Variants in LMNTD1 observed in about 807,000 individuals in gnomAD.
The protein encoded by LMNTD1 is lamin tail domain-containing protein 1.
Under a neutral mutation model 50.9 loss-of-function variants are expected in LMNTD1, and 35 were observed. The ratio of observed to expected loss-of-function variants is 0.69; its 90% confidence interval spans 0.53 to 0.91. The LOEUF is 0.91. Ranked by LOEUF, LMNTD1 falls within the 40% of genes least tolerant of loss-of-function variation. The pLI, the probability that LMNTD1 is intolerant of heterozygous loss-of-function variation, is 0.00. For synonymous variants in LMNTD1, 153 were observed against 161.9 expected, an observed-to-expected ratio of 0.94 and a Z score of 0.42; for missense variants, 470 against 475.5, an observed-to-expected ratio of 0.99 and a Z score of 0.11.
At chr12:25,587,468 G>A (rs556638618) in intron 1 of LMNTD1, among the ~76,000 whole-genome samples, 263 of 152,298 alleles carry the variant, frequency 1.7e-3, no homozygotes, top group Admixed American at 5.2e-3. Context: ...GAGAGAGGTG[G>A]GAGGGTGCTA....
At chr12:25,570,423 A>G (rs987257440) in intron 1 of LMNTD1, among the ~76,000 whole-genome samples, 2 of 152,226 alleles carry the variant, frequency 1.3e-5, no homozygotes, top group Non-Finnish European at 2.9e-5. Context: ...AACAGGAAGG[A>G]AAGCATTTGT....
upstream of LMNTD1, among the ~76,000 whole-genome samples, chr12:25,556,419 TC>T (rs557581763): frequency 6.6e-5 from 10 of 152,318 alleles, no homozygotes; most frequent in South Asian, 2.1e-3. Context: ...TTTAGTCTCA[TC>T]CATCTATTAG....
chr12:25,538,265 T>C (rs957892246), intron 4 of LMNTD1, among the ~76,000 whole-genome samples: 37 of 130,362 alleles, frequency 2.8e-4, no homozygotes, highest in Non-Finnish European at 1.0e-4. Flanking sequence ...CCAAGACACA[T>C]AATCGTCAGA....
chr12:25,594,651 C>CAAAAAAAAAAAAAAAAAAAAA (rs61299586), intron 1 of LMNTD1, among the ~76,000 whole-genome samples: 3 of 69,904 alleles, frequency 4.3e-5, no homozygotes, highest in African/African-American at 1.1e-4. Flanking sequence ...AACAGAAATA[C>CAAAAAAAAAAAAAAAAAAAAA]AAAAAAAAAA....
At chr12:25,618,840 G>C (rs892775927) in intron 1 of LMNTD1, among the ~76,000 whole-genome samples, 1 of 152,132 alleles carries the variant, frequency 6.6e-6, no homozygotes, top group Non-Finnish European at 1.5e-5. Context: ...AGATGGCTAA[G>C]CTATGAGCTT....
intron 1 of LMNTD1, among the ~76,000 whole-genome samples, chr12:25,611,978 G>A (rs1352465677): frequency 2.0e-5 from 3 of 152,132 alleles, no homozygotes; most frequent in Non-Finnish European, 4.4e-5. Context: ...ATCCGTTGGA[G>A]TATTTTCTTC....
intron 1 of LMNTD1, among the ~76,000 whole-genome samples, chr12:25,586,582 C>A (rs78624312): frequency 6.6e-6 from 1 of 152,126 alleles, no homozygotes; most frequent in Non-Finnish European, 1.5e-5. Context: ...AAAAGTCATG[C>A]GGCACTTTCT....
At chr12:25,550,889 G>T (rs1417568436) in intron 2 of LMNTD1, among the ~76,000 whole-genome samples, 3 of 152,192 alleles carry the variant, frequency 2.0e-5, no homozygotes, top group African/African-American at 7.2e-5. Context: ...CATTGGCTTT[G>T]AAAATGTCAT....
chr12:25,503,645 C>A, intron 9 of LMNTD1, 93 bp downstream of exon 9: 1 of 731,718 alleles, frequency 1.4e-6, no homozygotes, highest in Non-Finnish European at 2.4e-6. Flanking sequence ...AAGGACAACC[C>A]ATGTTCTGAT....
rs906397349 is a variant in LMNTD1, at chr12:25,579,819, A to G, written c.59-33265T>C. 2.0e-5 allele frequency among the ~76,000 whole-genome samples: 3 copies of G among 151,918 alleles called. No individual in the cohort carries two copies. The South Asian group carries it at 6.2e-4, about 32-fold the overall frequency. ...TTGCATCCATCCCCTTCTCTTTTCA[A>G]CAATACCGGTATAGACTCCAATCGC... On this transcript the variant is annotated intron_variant, in intron 1 of 7. Transcript: ENST00000445693.
intron 1 of LMNTD1, among the ~76,000 whole-genome samples, chr12:25,620,288 CCA>C (rs1565523203): frequency 6.6e-6 from 1 of 152,220 alleles, no homozygotes; most frequent in African/African-American, 2.4e-5. Context: ...TAACGGAACT[CCA>C]CAGTTTTCTA....
chr12:25,492,350 T>A (rs1054331579), intron 9 of LMNTD1, among the ~76,000 whole-genome samples: 1 of 152,232 alleles, frequency 6.6e-6, no homozygotes, highest in Non-Finnish European at 1.5e-5. Flanking sequence ...CTATAGCATA[T>A]TTTCATAGCG....
At chr12:25,543,541 A>G (rs757099600) in intron 4 of LMNTD1, among the ~76,000 whole-genome samples, 13 of 151,726 alleles carry the variant, frequency 8.6e-5, no homozygotes, top group Non-Finnish European at 1.8e-4. Context: ...AAAAAAGCCA[A>G]CTTTTTGTTT....
At chr12:25,504,796 T>G (rs1273029372) in intron 8 of LMNTD1, among the ~76,000 whole-genome samples, 1 of 152,236 alleles carries the variant, frequency 6.6e-6, no homozygotes, top group African/African-American at 2.4e-5. Flanking sequence ...GGATTCTGAA[T>G]CTAAAGAATC....
chr12:25,511,721 A>T (rs1940311012), intron 8 of LMNTD1, among the ~76,000 whole-genome samples: 2 of 152,204 alleles, frequency 1.3e-5, no homozygotes, highest in Non-Finnish European at 2.9e-5. Flanking sequence ...TTTTCATAAT[A>T]CAGTTGAAAC....
intron 1 of LMNTD1, among the ~76,000 whole-genome samples, chr12:25,565,168 T>G (rs1944503830): frequency 6.6e-6 from 1 of 152,102 alleles, no homozygotes; most frequent in Non-Finnish European, 1.5e-5. Flanking sequence ...GATTGGAGAG[T>G]TTAGTCCATT....
chr12:25,575,766 G>A (rs1944986516), intron 1 of LMNTD1, among the ~76,000 whole-genome samples: 1 of 151,986 alleles, frequency 6.6e-6, no homozygotes, highest in Admixed American at 6.6e-5. Flanking sequence ...GTATACATGT[G>A]CCATGTTGGT....
At chr12:25,573,416 C>T (rs1468140879) in intron 1 of LMNTD1, among the ~76,000 whole-genome samples, 2 of 152,136 alleles carry the variant, frequency 1.3e-5, no homozygotes, top group East Asian at 3.9e-4. Context: ...GAGATGTCAG[C>T]TACTTTGCCT....
At chr12:25,509,666 T>C (rs1822045917) in intron 8 of LMNTD1, among the ~76,000 whole-genome samples, 1 of 152,284 alleles carries the variant, frequency 6.6e-6, no homozygotes, top group South Asian at 2.1e-4. Context: ...TATTCGGAGA[T>C]GTAATAAAAT....
Sources: allele counts gnomAD v4.1 joint callset (sites outside exome capture counted in the v4.1 genomes callset), GRCh38; gene constraint gnomAD v4.1.1; transcripts MANE v1.5; gene names NCBI Gene and HGNC (gene_info 2026-07-23, HGNC 2026-07-21).